FAM78A: variants seen among roughly 807,000 people sequenced by gnomAD.
FAM78A encodes protein FAM78A.
Under a neutral mutation model 22.6 loss-of-function variants are expected in FAM78A, and 12 were observed. The ratio of observed to expected loss-of-function variants is 0.53; its 90% CI spans 0.34 to 0.86. The LOEUF (loss-of-function observed/expected upper bound fraction) is 0.86. Ranked by LOEUF, FAM78A falls within the 40% of genes least tolerant of loss-of-function variation. FAM78A has a pLI of 0.02. For missense variants in FAM78A, 322 were observed against 396.1 expected (o/e 0.81, Z 1.59); for synonymous variants, 151 against 155.8 (o/e 0.97, Z 0.23).
intron 1 of FAM78A, among the ~76,000 whole-genome samples, chr9:131,270,939 C>T (rs562206779): frequency 6.6e-6 from 1 of 151,844 alleles, no homozygotes; most frequent in African/African-American, 2.4e-5. Flanking sequence ...TCAGCGTCAT[C>T]CCAGCAGGAC....
upstream of FAM78A, among the ~76,000 whole-genome samples, chr9:131,277,903 A>G (rs975941236): frequency 1.2e-3 from 179 of 150,118 alleles, no homozygotes; most frequent in Non-Finnish European, 1.2e-3. This position sits in a 1 kb window ranked among gnomAD's most constrained non-coding sequence, Gnocchi z 8.4. Context: ...CGGAAAGGCA[A>G]CCGGGTCAAA....
intron 1 of FAM78A, among the ~76,000 whole-genome samples, chr9:131,273,973 A>T (rs1295080066): frequency 1.3e-5 from 2 of 152,250 alleles, no homozygotes; most frequent in Admixed American, 6.5e-5. Context: ...CTAAGAAGGC[A>T]TGAGGCTCTT....
chr9:131,266,583 C>T (rs1835348583), intron 1 of FAM78A, among the ~76,000 whole-genome samples: 2 of 152,188 alleles, frequency 1.3e-5, no homozygotes, highest in South Asian at 4.1e-4. Flanking sequence ...GCAGCCACCA[C>T]CCCAAAGAAG....
rs60077536 is a variant in FAM78A at position 131,271,001 on chromosome 9, CTTT to C, written c.323+4853_323+4855del. On this transcript the variant is annotated intron_variant, in intron 1 of 1. Transcript: ENST00000372271. ...CCCTGCCCTGTCCTTTCCCACCAGT[CTTT>C]TTTTTTTTTTTTTTTTTTTGAGATG... Among the ~76,000 whole-genome samples, 18 of 70,400 alleles carry C rather than the reference CTTT, an allele frequency of 2.6e-4. 1 individual carries two copies. The highest frequency in any genetic ancestry group is 4.9e-4 in the Non-Finnish European group (14 of 28,864). The allele number at this position is 70,400 out of a possible 152,430, so 46.2% of individuals were successfully genotyped here.
In FAM78A at chr9:131,261,573, C is replaced by T. The variant is rs190221543; in HGVS notation, c.324-223G>A. ...TAACCCTCAGACAGAAGAAGGTGGC[C>T]GGCCTGGCCCAAGTTGCTCTAGGGA... On this transcript the variant is annotated intron_variant, in intron 1 of 1. Coordinates refer to ENST00000372271, the MANE Select transcript of FAM78A (RefSeq NM_033387.4). The surrounding 1 kb of genome is among the most constrained non-coding windows in gnomAD (Gnocchi z 7.1). 2.0e-4 allele frequency among the ~76,000 whole-genome samples: 30 copies of T among 152,204 alleles called. No individual in the cohort carries two copies. In the East Asian group the frequency reaches 2.7e-3, roughly 14 times the overall value.
chr9:131,262,886 G>C (rs927326757), intron 1 of FAM78A: 16 of 152,076 alleles, frequency 1.1e-4, no homozygotes, highest in African/African-American at 3.9e-4. Context: ...GCCAGGGGCT[G>C]GGAGAAAGAG....
At chr9:131,277,088 G>A (rs529046394), upstream of FAM78A, among the ~76,000 whole-genome samples, 1 of 151,256 alleles carries the variant, frequency 6.6e-6, no homozygotes, top group South Asian at 2.1e-4. The surrounding 1 kb of genome is among the most constrained non-coding windows in gnomAD (Gnocchi z 8.4). Flanking sequence ...CGGTCTCCCC[G>A]GAGGCGGTGG....
intron 1 of FAM78A, among the ~76,000 whole-genome samples, chr9:131,267,559 T>C (rs1177763307): frequency 1.3e-5 from 2 of 152,052 alleles, no homozygotes; most frequent in Non-Finnish European, 2.9e-5. Context: ...CAACTAAATT[T>C]AGAAACAACT....
At chr9:131,263,769 T>C (rs911710450) in intron 1 of FAM78A, 1 of 152,690 alleles carries the variant, frequency 6.5e-6, no homozygotes, top group Non-Finnish European at 1.5e-5. Flanking sequence ...ATGATTTTGC[T>C]AATTTTCCTG....
At chr9:131,268,292 G>A (rs530529669) in intron 1 of FAM78A, among the ~76,000 whole-genome samples, 1 of 152,154 alleles carries the variant, frequency 6.6e-6, no homozygotes, top group South Asian at 2.1e-4. Flanking sequence ...TTCCACACTG[G>A]ACAGGCATCC....
upstream of FAM78A, among the ~76,000 whole-genome samples, chr9:131,280,368 C>T (rs181767365): frequency 2.6e-5 from 4 of 152,204 alleles, no homozygotes; most frequent in Non-Finnish European, 5.9e-5. Context: ...ACGGCAGCCT[C>T]AGCATATGTG....
chr9:131,271,861 G>A (rs1835425105), intron 1 of FAM78A, among the ~76,000 whole-genome samples: 2 of 151,942 alleles, frequency 1.3e-5, no homozygotes, highest in Admixed American at 6.6e-5. Context: ...GCGGGGGCCG[G>A]GCTGTGGAGG....
chr9:131,272,504 A>G lies in FAM78A; in HGVS notation c.323+3353T>C, dbSNP rs77013498. ...AATTACCTGACCCTGGGCCAGGCAG[A>G]GCAGAGGAACAATTCTGGGCTGGTT... On this transcript the variant is annotated intron_variant, in intron 1 of 1. Transcript: ENST00000372271. This position sits in a 1 kb window ranked among gnomAD's most constrained non-coding sequence, Gnocchi z 4.1. 2.3e-3 allele frequency among the ~76,000 whole-genome samples: 346 copies of G among 152,352 alleles called. 1 individual carries two copies. The highest frequency in any genetic ancestry group is 8.0e-3 in the African/African-American group (334 of 41,566).
intron 1 of FAM78A, chr9:131,263,846 C>G (rs1835305812): frequency 6.6e-6 from 1 of 152,382 alleles, no homozygotes; most frequent in Non-Finnish European, 1.5e-5. Context: ...TGCCCAGCCC[C>G]TGAGTACCCA....
intron 1 of FAM78A, chr9:131,264,746 CAG>C: frequency 1.6e-6 from 1 of 615,764 alleles, no homozygotes; most frequent in East Asian, 2.8e-5. Flanking sequence ...TTTTTTGAGA[CAG>C]AGTCTCACTC....
chr9:131,265,013 C>T lies in FAM78A; in HGVS notation c.324-3663G>A, dbSNP rs866713801. ...GTCTGGGATTACAGGCGTGAGCCAC[C>T]GTCCCCAGCCGAATTATTTTTATAT... On this transcript the variant is annotated intron_variant, in intron 1 of 1. Transcript: ENST00000372271. This position sits in a 1 kb window ranked among gnomAD's most constrained non-coding sequence, Gnocchi z 4.3. Among the ~76,000 whole-genome samples, 1 of 152,064 alleles carries T rather than the reference C, an allele frequency of 6.6e-6. No homozygotes were observed. Among genetic ancestry groups the T allele is most frequent in the African/African-American group, 2.4e-5 (1 of 41,412 alleles).
Position 131,261,414 on chromosome 9 carries a change from G to C in FAM78A, c.324-64C>G. On this transcript the variant is annotated intron_variant, in intron 1 of 1. Coordinates refer to ENST00000372271, the MANE Select transcript of FAM78A (RefSeq NM_033387.4). The surrounding 1 kb of genome is among the most constrained non-coding windows in gnomAD (Gnocchi z 7.1). The stretch of plus-strand genomic sequence containing the variant: ...CAAGGAGGGCTTTCTGTGTCCCCCT[G>C]GCAGGCCAGGGGCTGTCCTGGGCCC... 6.9e-7 allele frequency: 1 copy of C among 1,447,714 alleles called. No homozygotes were observed. Among genetic ancestry groups the C allele is most frequent in the Admixed American group, 2.6e-5 (1 of 38,964 alleles). 89.7% of individuals were successfully genotyped at this position (1,447,714 alleles called of 1,614,324 possible).
intron 1 of FAM78A, among the ~76,000 whole-genome samples, chr9:131,268,051 C>CAA (rs397894549): frequency 2.5e-4 from 13 of 52,290 alleles, no homozygotes; most frequent in Non-Finnish European, 4.7e-4. Flanking sequence ...GACTCTGTCT[C>CAA]AAAAAAAAAA....
rs1488744749 is a variant in FAM78A, at chr9:131,258,992, C to T, written c.*1830G>A. Reference sequence around the variant, plus strand: ...CAGTGGCTAAACGGTCATTAAGCACCCCTTGAATAAACGCAATAGCCCGTG... The same window carrying T: ...CAGTGGCTAAACGGTCATTAAGCACTCCTTGAATAAACGCAATAGCCCGTG... On this transcript the variant is annotated 3_prime_UTR_variant, in exon 2 of 2. Coordinates refer to ENST00000372271, the MANE Select transcript of FAM78A (RefSeq NM_033387.4). 5.9e-5 allele frequency: 9 copies of T among 152,676 alleles called. No homozygotes were observed. Among genetic ancestry groups the T allele is most frequent in the Non-Finnish European group, 1.0e-4 (7 of 68,066 alleles). The allele number at this position is 152,676 out of a possible 1,614,324, so 9.5% of individuals were successfully genotyped here. A position where few individuals can be genotyped will look rare whatever the true frequency, so the allele number is the denominator to read the frequency against.
Sources: gnomAD v4.1 joint callset for allele counts (sites outside exome capture counted in the v4.1 genomes callset) on GRCh38, gnomAD v4.1.1 for gene constraint, Gnocchi (gnomAD v3.1) non-coding constraint, MANE v1.5 for transcripts, NCBI Gene and HGNC (gene_info 2026-07-23, HGNC 2026-07-21) for gene names.